Variants in PLPPR4 observed in about 807,000 individuals in gnomAD.
The protein encoded by PLPPR4 is phospholipid phosphatase-related protein type 4.
In PLPPR4, 24 loss-of-function variants were observed where a neutral mutation model predicts 56.6. The observed-to-expected ratio is 0.42, with a 90% CI of 0.31 to 0.60. The LOEUF (loss-of-function observed/expected upper bound fraction) is 0.60. PLPPR4 is among the 20% of genes least tolerant of loss of function. The pLI, the probability that PLPPR4 is intolerant of heterozygous loss-of-function variation, is 0.13. For missense variants in PLPPR4, 654 were observed against 885.8 expected (o/e 0.74, Z 3.32); for synonymous variants, 326 against 328.1 (o/e 0.99, Z 0.07).
intron 1 of PLPPR4, among the ~76,000 whole-genome samples, chr1:99,272,323 C>T (rs1289134917): frequency 6.6e-6 from 1 of 152,034 alleles, no homozygotes; most frequent in Non-Finnish European, 1.5e-5. Flanking sequence ...CCAGCGTTAC[C>T]TAAGGACACA....
At chr1:99,281,436 T>C (rs551798443) in intron 1 of PLPPR4, among the ~76,000 whole-genome samples, 12 of 152,340 alleles carry the variant, frequency 7.9e-5, no homozygotes, top group Admixed American at 7.8e-4. Flanking sequence ...ACACTTCAAG[T>C]GTTAGTCTGT....
chr1:99,298,963 A>AATGTTTAATGAAT (rs759671380), intron 3 of PLPPR4, 72 bp from the exon 4 acceptor site: 1 of 983,386 alleles, frequency 1.0e-6, no homozygotes, highest in Non-Finnish European at 1.6e-6. Flanking sequence ...TTAATTCACT[A>AATGTTTAATGAAT]ATGTTTAATG....
chr1:99,305,426 C>T (rs1399248774), intron 6 of PLPPR4, among the ~76,000 whole-genome samples: 1 of 152,080 alleles, frequency 6.6e-6, no homozygotes, highest in Non-Finnish European at 1.5e-5. Context: ...AAAATATACA[C>T]AGGATAAGAT....
At chr1:99,287,412 T>C (rs920927028) in intron 1 of PLPPR4, among the ~76,000 whole-genome samples, 3 of 152,194 alleles carry the variant, frequency 2.0e-5, no homozygotes, top group Non-Finnish European at 4.4e-5. Context: ...TACCCAGTAA[T>C]GGGATTGCTG....
At chr1:99,298,722 C>T (rs1659807905) in intron 3 of PLPPR4, 1 of 554,928 alleles carries the variant, frequency 1.8e-6, no homozygotes, top group South Asian at 2.4e-5. Context: ...CACATGTCGT[C>T]GCTCTCAAAT....
Position 99,301,904 on chromosome 1 carries a change from A to G in PLPPR4, c.822+7A>G. The G allele has an allele frequency of 6.3e-7, 1 of 1,581,760 alleles. No homozygotes were observed. Among genetic ancestry groups the G allele is most frequent in the Non-Finnish European group, 8.6e-7 (1 of 1,161,082 alleles). On this transcript the variant is annotated splice_region_variant and intron_variant, in intron 6 of 6. Transcript: ENST00000370185. ...AGGAATTGCACTGTACTTGGTAAATAAGTTACTATTATCTTATAAGCCAAA... is the reference window on the plus strand; with the variant it reads ...AGGAATTGCACTGTACTTGGTAAATGAGTTACTATTATCTTATAAGCCAAA...
chr1:99,301,446 G>A (rs539913467), intron 5 of PLPPR4, among the ~76,000 whole-genome samples: 50 of 152,100 alleles, frequency 3.3e-4, no homozygotes, highest in African/African-American at 1.2e-3. Context: ...AGAAAAATGA[G>A]CGAAATTATA....
At chr1:99,291,816 T>C (rs1659627612) in intron 2 of PLPPR4, among the ~76,000 whole-genome samples, 1 of 152,054 alleles carries the variant, frequency 6.6e-6, no homozygotes, top group Non-Finnish European at 1.5e-5. Context: ...AAGAAGTAAC[T>C]AATGGATATG....
chr1:99,291,339 G>A (rs1659615828), intron 2 of PLPPR4, among the ~76,000 whole-genome samples: 1 of 151,194 alleles, frequency 6.6e-6, no homozygotes, highest in Non-Finnish European at 1.5e-5. Context: ...CACTGTTGTG[G>A]GTTCAACCAT....
chr1:99,301,688 T>C, intron 5 of PLPPR4, 36 bp from the exon 6 acceptor site: 4 of 1,489,856 alleles, frequency 2.7e-6, no homozygotes, highest in Non-Finnish European at 3.7e-6. Context: ...AAAATGGCCT[T>C]TCTAACATAC....
chr1:99,274,135 A>G (rs940810245), intron 1 of PLPPR4, among the ~76,000 whole-genome samples: 3 of 152,096 alleles, frequency 2.0e-5, no homozygotes, highest in Non-Finnish European at 4.4e-5. Flanking sequence ...TTCTGTGCCT[A>G]TGGTAAAACA....
At chr1:99,299,753 T>C (rs561564645) in intron 4 of PLPPR4, among the ~76,000 whole-genome samples, 2 of 152,102 alleles carry the variant, frequency 1.3e-5, no homozygotes, top group Admixed American at 6.6e-5. Context: ...CATAATTTCA[T>C]TCATTCTTTG....
At chr1:99,287,776 G>A (rs978386998) in intron 1 of PLPPR4, among the ~76,000 whole-genome samples, 189 bp from the exon 2 acceptor site, 29 of 152,250 alleles carry the variant, frequency 1.9e-4, no homozygotes, top group Middle Eastern at 3.4e-3. Flanking sequence ...ACATAGATGC[G>A]TAACAGGCTG....
At position 99,306,371 on chromosome 1, in the gene PLPPR4, C is replaced by G. The variant is rs900321761; in HGVS notation, c.1509C>G (p.Ser503Arg). Reference sequence around the variant, plus strand: ...ACATAAGCACCTCCCCCAAAAGCAGCTCTGCTCGGGCCAAGTGGTTAAAAG... The same window carrying G: ...ACATAAGCACCTCCCCCAAAAGCAGGTCTGCTCGGGCCAAGTGGTTAAAAG... ...QENISTSPKS[S>R]SARAKWLKAA... The change falls in exon 7 of 7, where the codon AGC (serine) becomes AGG (arginine). Residue 503 changes from serine (S) to arginine (R), a missense_variant. Coordinates refer to ENST00000370185, the MANE Select transcript of PLPPR4 (RefSeq NM_014839.5). The surrounding 1 kb of genome is among the most constrained non-coding windows in gnomAD (Gnocchi z 4.0). 2 of 1,614,162 alleles carry G rather than the reference C, an allele frequency of 1.2e-6. No individual in the cohort carries two copies. The highest frequency in any genetic ancestry group is 1.1e-5 in the South Asian group (1 of 91,080).
In PLPPR4 at chr1:99,300,979, T is replaced by C. The variant is rs754182394; in HGVS notation, c.648+13T>C. ...TGTGTATGTTTCGGTAAGTAACTGG[T>C]TCTTTTTTGTTAAGTTGTGTTCTAC... is the stretch of plus-strand genomic sequence containing the variant. On this transcript the variant is annotated intron_variant, in intron 5 of 6. Transcript: ENST00000370185. 6.2e-7 allele frequency: 1 copy of C among 1,609,498 alleles called. No individual in the cohort carries two copies. The highest frequency in any genetic ancestry group is 1.1e-5 in the South Asian group (1 of 90,914).
intron 6 of PLPPR4, among the ~76,000 whole-genome samples, chr1:99,302,106 A>T (rs1659895369): frequency 1.3e-5 from 2 of 152,080 alleles, no homozygotes; most frequent in South Asian, 4.1e-4. Context: ...GTAATTTTAG[A>T]AAGATTTCTG....
Position 99,272,817 on chromosome 1 carries a change from T to G in PLPPR4, c.78+8146T>G, listed in dbSNP as rs1053284102. ...TTTCCCTTATACTTCAATGTAAATT[T>G]TTCATACATTATCTCATCTGATCCT... On this transcript the variant is annotated intron_variant, in intron 1 of 6. Transcript: ENST00000370185. Among the ~76,000 whole-genome samples the G allele has an allele frequency of 3.9e-5, 6 of 152,258 alleles. 1 individual carries two copies. The highest frequency in any genetic ancestry group is 1.9e-4 in the East Asian group (1 of 5,178).
At chr1:99,296,601 T>C (rs1228793619) in intron 2 of PLPPR4, 137 bp from the exon 3 acceptor site, 15 of 665,798 alleles carry the variant, frequency 2.3e-5, no homozygotes, top group South Asian at 7.9e-5. Flanking sequence ...TTGCTGTGCC[T>C]CTACAGCTTT....
At chr1:99,262,959 T>A (rs2100777358), upstream of PLPPR4, among the ~76,000 whole-genome samples, 3 of 152,242 alleles carry the variant, frequency 2.0e-5, no homozygotes, top group East Asian at 5.8e-4. Flanking sequence ...TGGCGGTCGC[T>A]GTGTGTGGTG....
Sources: gnomAD v4.1 joint callset for allele counts (sites outside exome capture counted in the v4.1 genomes callset) on GRCh38, gnomAD v4.1.1 for gene constraint, Gnocchi (gnomAD v3.1) non-coding constraint, MANE v1.5 for transcripts, NCBI Gene and HGNC (gene_info 2026-07-23, HGNC 2026-07-21) for gene names.